The following HPSE2 variants were observed in gnomAD, a reference collection of about 807,000 sequenced individuals.
The protein encoded by HPSE2 is inactive heparanase-2.
HPSE2 carries 38 observed loss-of-function variants against 60.5 expected under a neutral mutation model. That is an observed-to-expected ratio of 0.63 (90% confidence interval 0.48 to 0.82). The LOEUF is 0.82. HPSE2 is among the 40% of genes least tolerant of loss of function. The probability of loss-of-function intolerance (pLI) is 0.00; values close to 1 mark genes in which losing one functional copy is unlikely to be tolerated. For missense variants in HPSE2, 713 were observed against 740.4 expected (o/e 0.96, Z 0.43); for synonymous variants, 295 against 293.2 (o/e 1.01, Z -0.06).
intron 3 of HPSE2, among the ~76,000 whole-genome samples, chr10:98,851,622 G>C (rs1358674783): frequency 6.6e-6 from 1 of 152,048 alleles, no homozygotes; most frequent in Non-Finnish European, 1.5e-5. Context: ...TCTGCATTTT[G>C]AGGGAATCTT....
chr10:98,854,151 T>C (rs1266778600), intron 3 of HPSE2, among the ~76,000 whole-genome samples: 1 of 152,194 alleles, frequency 6.6e-6, no homozygotes, highest in East Asian at 1.9e-4. Context: ...GCCTCTGCTC[T>C]TTTTCTTAAT....
At chr10:99,166,842 A>C (rs2805364) in intron 2 of HPSE2, among the ~76,000 whole-genome samples, 1 of 149,644 alleles carries the variant, frequency 6.7e-6, no homozygotes, top group African/African-American at 2.5e-5. Context: ...GTGAGACTCC[A>C]TCTCAAAGAA....
At chr10:98,960,374 C>T (rs1357214376) in intron 3 of HPSE2, among the ~76,000 whole-genome samples, 2 of 152,016 alleles carry the variant, frequency 1.3e-5, no homozygotes, top group Non-Finnish European at 2.9e-5. Context: ...TAGTTACGGT[C>T]TATTTATGGC....
chr10:98,548,813 GA>G (rs1943773968), intron 9 of HPSE2, among the ~76,000 whole-genome samples: 1 of 152,048 alleles, frequency 6.6e-6, no homozygotes, highest in South Asian at 2.1e-4. Context: ...AAATGGTCAA[GA>G]AAAACAAGAA....
chr10:99,281,927 T>C, the HPSE2 span, among the ~76,000 whole-genome samples: 1 of 152,064 alleles, frequency 6.6e-6, no homozygotes, highest in African/African-American at 2.4e-5. Context: ...GTTGGCTATA[T>C]TATTATCAGA....
intron 3 of HPSE2, among the ~76,000 whole-genome samples, chr10:98,769,264 G>A (rs1350385592): frequency 1.3e-5 from 2 of 152,098 alleles, no homozygotes; most frequent in Admixed American, 6.6e-5. Flanking sequence ...ACATGTTAGT[G>A]ACCATAAAAA....
intron 11 of HPSE2, among the ~76,000 whole-genome samples, chr10:98,462,147 T>C (rs1164931909): frequency 5.3e-5 from 8 of 152,194 alleles, no homozygotes; most frequent in Admixed American, 4.6e-4. Flanking sequence ...ACTTAAGATA[T>C]GGTGTTTTTG....
At chr10:99,014,337 T>G (rs944414695) in intron 3 of HPSE2, among the ~76,000 whole-genome samples, 1 of 152,236 alleles carries the variant, frequency 6.6e-6, no homozygotes, top group Non-Finnish European at 1.5e-5. Context: ...TATGATGTTT[T>G]CTTTATCCAG....
intron 10 of HPSE2, among the ~76,000 whole-genome samples, chr10:98,488,167 C>G (rs1365828645): frequency 2.0e-5 from 3 of 152,166 alleles, no homozygotes; most frequent in Non-Finnish European, 4.4e-5. Context: ...GTGGTGTAGA[C>G]AGACAGTCTT....
At chr10:98,700,161 AC>A (rs1948362516) in intron 5 of HPSE2, among the ~76,000 whole-genome samples, 2 of 151,960 alleles carry the variant, frequency 1.3e-5, no homozygotes, top group Non-Finnish European at 2.9e-5. Context: ...TTCATATGGA[AC>A]CAAAAAAGAG....
chr10:99,180,336 G>A (rs983972171), intron 2 of HPSE2, among the ~76,000 whole-genome samples: 6 of 151,994 alleles, frequency 3.9e-5, no homozygotes, highest in Non-Finnish European at 5.9e-5. Flanking sequence ...CAGCATGAGA[G>A]AAAATTTTTG....
At chr10:98,601,472 C>T (rs1482357710) in intron 9 of HPSE2, among the ~76,000 whole-genome samples, 1 of 152,148 alleles carries the variant, frequency 6.6e-6, no homozygotes, top group Admixed American at 6.5e-5. Flanking sequence ...ACATGTAGGG[C>T]TGAGGGATGG....
intron 5 of HPSE2, among the ~76,000 whole-genome samples, chr10:98,700,266 A>G (rs1176510923): frequency 6.8e-6 from 1 of 146,858 alleles, no homozygotes; most frequent in Admixed American, 6.9e-5. Flanking sequence ...ACAGTAACCA[A>G]AACAGCATGG....
At chr10:98,982,680 A>C (rs541025579) in intron 3 of HPSE2, among the ~76,000 whole-genome samples, 11 of 152,290 alleles carry the variant, frequency 7.2e-5, no homozygotes, top group African/African-American at 2.6e-4. Context: ...ATAAGATTAT[A>C]ATCCTAATAA....
chr10:98,679,861 T>C (rs752603732), intron 6 of HPSE2, among the ~76,000 whole-genome samples: 29 of 152,022 alleles, frequency 1.9e-4, no homozygotes, highest in Admixed American at 3.3e-4. Flanking sequence ...GGCTAATTTT[T>C]TTTTTATTGT....
chr10:99,009,697 A>C (rs1956970051), intron 3 of HPSE2, among the ~76,000 whole-genome samples: 2 of 152,332 alleles, frequency 1.3e-5, no homozygotes, highest in South Asian at 4.1e-4. Context: ...GACAAACAGC[A>C]TCTAAGCCAG....
chr10:98,940,582 C>A (rs1325852248), intron 3 of HPSE2, among the ~76,000 whole-genome samples: 6 of 141,838 alleles, frequency 4.2e-5, no homozygotes, highest in Non-Finnish European at 9.0e-5. Context: ...GAAATTGTGG[C>A]AATAATCAAT....
At chr10:98,602,451 A>G (rs1212411126) in intron 9 of HPSE2, among the ~76,000 whole-genome samples, 1 of 152,196 alleles carries the variant, frequency 6.6e-6, no homozygotes, top group African/African-American at 2.4e-5. Context: ...AACTGAAAGT[A>G]GTAACTAAAC....
intron 9 of HPSE2, among the ~76,000 whole-genome samples, chr10:98,570,659 T>C (rs1054447324): frequency 2.0e-5 from 3 of 152,112 alleles, no homozygotes; most frequent in African/African-American, 7.2e-5. Flanking sequence ...CCTTTAGCTT[T>C]TTCACATAAA....
Sources: allele counts gnomAD v4.1 joint callset (sites outside exome capture counted in the v4.1 genomes callset), GRCh38; gene constraint gnomAD v4.1.1; transcripts MANE v1.5; gene names NCBI Gene and HGNC (gene_info 2026-07-23, HGNC 2026-07-21).